ELAPOR1: variants seen among roughly 807,000 people sequenced by gnomAD.
The protein encoded by ELAPOR1 is endosome-lysosome associated apoptosis and autophagy regulator 1, also known as endosome/lysosome-associated apoptosis and autophagy regulator 1.
Under a neutral mutation model 119.7 loss-of-function variants are expected in ELAPOR1, and 77 were observed. That is an observed-to-expected ratio of 0.64 (90% CI 0.54 to 0.78). ELAPOR1 has a LOEUF of 0.78. Among genes scored for constraint, ELAPOR1 ranks in the 30% least tolerant of loss-of-function variants. The probability of loss-of-function intolerance (pLI) is 0.00; values close to 1 mark genes in which losing one functional copy is unlikely to be tolerated. For missense variants in ELAPOR1, 1,115 were observed against 1,270.4 expected (o/e 0.88, Z 1.86); for synonymous variants, 481 against 487.2 (o/e 0.99, Z 0.17).
chr1:109,144,059 A>ATTTTTTTTT (rs1243626258), intron 1 of ELAPOR1, among the ~76,000 whole-genome samples: 2 of 34,404 alleles, frequency 5.8e-5, no homozygotes, highest in Non-Finnish European at 1.4e-4. Context: ...ATATATTTAT[A>ATTTTTTTTT]TATTTTTTTT....
intron 9 of ELAPOR1, among the ~76,000 whole-genome samples, chr1:109,188,809 A>C (rs1345819769): frequency 6.6e-6 from 1 of 152,244 alleles, no homozygotes; most frequent in Non-Finnish European, 1.5e-5. Context: ...AGGTACATTT[A>C]AGTTTTGAAA....
chr1:109,116,436 C>T (rs1408177349), intron 1 of ELAPOR1, among the ~76,000 whole-genome samples: 2 of 152,172 alleles, frequency 1.3e-5, no homozygotes, highest in African/African-American at 4.8e-5. Flanking sequence ...AGATCCACAC[C>T]CCATGCCAGA....
At chr1:109,128,765 T>C (rs990150098) in intron 1 of ELAPOR1, among the ~76,000 whole-genome samples, 1 of 152,256 alleles carries the variant, frequency 6.6e-6, no homozygotes, top group African/African-American at 2.4e-5. Context: ...AGATTTTACA[T>C]GCTTCAGAAT....
At chr1:109,127,494 G>C (rs1648862904) in intron 1 of ELAPOR1, among the ~76,000 whole-genome samples, 1 of 151,912 alleles carries the variant, frequency 6.6e-6, no homozygotes, top group Admixed American at 6.6e-5. Flanking sequence ...GATTACAGGT[G>C]TGAGCCACCG....
chr1:109,115,849 G>T (rs536354930), intron 1 of ELAPOR1, among the ~76,000 whole-genome samples: 1 of 152,120 alleles, frequency 6.6e-6, no homozygotes, highest in Non-Finnish European at 1.5e-5. Flanking sequence ...CCACCTAGCC[G>T]CATTATGACC....
At chr1:109,114,512 A>T (rs570987407) in intron 1 of ELAPOR1, among the ~76,000 whole-genome samples, 176 bp downstream of exon 1, 4 of 152,262 alleles carry the variant, frequency 2.6e-5, no homozygotes, top group East Asian at 3.9e-4. Context: ...AGGCCAGCAC[A>T]TTGGAGGACT....
intron 1 of ELAPOR1, among the ~76,000 whole-genome samples, chr1:109,155,501 T>A (rs1459559851): frequency 6.6e-6 from 1 of 152,168 alleles, no homozygotes. Context: ...TCTTAGAATG[T>A]AGAAGAACAG....
intron 8 of ELAPOR1, chr1:109,187,483 G>C: frequency 1.0e-6 from 1 of 1,000,006 alleles, no homozygotes; most frequent in Non-Finnish European, 1.2e-6. Flanking sequence ...TATCTGCACA[G>C]ATCATGTTCA....
intron 1 of ELAPOR1, among the ~76,000 whole-genome samples, chr1:109,130,846 TA>T (rs1649112756): frequency 6.6e-6 from 1 of 152,158 alleles, no homozygotes; most frequent in Non-Finnish European, 1.5e-5. Flanking sequence ...AACAAACATT[TA>T]TTAATATTAG....
At chr1:109,154,808 C>T (rs1398747252) in intron 1 of ELAPOR1, among the ~76,000 whole-genome samples, 2 of 152,196 alleles carry the variant, frequency 1.3e-5, no homozygotes, top group Non-Finnish European at 2.9e-5. Context: ...GGGTAAATGT[C>T]TGGGGGAGCT....
intron 17 of ELAPOR1, 39 bp downstream of exon 17, chr1:109,198,114 G>T (rs748972389): frequency 4.7e-6 from 7 of 1,495,058 alleles, no homozygotes; most frequent in Non-Finnish European, 6.5e-6. Flanking sequence ...GTGAAACCTA[G>T]GACTCCTCCA....
intron 1 of ELAPOR1, among the ~76,000 whole-genome samples, chr1:109,133,655 T>C (rs1230995921): frequency 3.9e-5 from 6 of 152,222 alleles, no homozygotes; most frequent in Non-Finnish European, 8.8e-5. Context: ...ATCTATCTTA[T>C]TTTTTAGGCC....
intron 3 of ELAPOR1, among the ~76,000 whole-genome samples, chr1:109,165,326 C>A (rs760116548): frequency 8.5e-5 from 13 of 152,126 alleles, no homozygotes; most frequent in Admixed American, 7.2e-4. Context: ...GTGGCTCACG[C>A]CTGTAATCCC....
chr1:109,194,508 A>T lies in ELAPOR1; in HGVS notation c.2035A>T (p.Thr679Ser), dbSNP rs756008920. 6 of 1,613,818 alleles carry T rather than the reference A, an allele frequency of 3.7e-6. No homozygotes were observed. Among genetic ancestry groups the T allele is most frequent in the Non-Finnish European group, 5.1e-6 (6 of 1,179,728 alleles). The change falls in exon 15 of 22, where the codon ACT becomes TCT. Residue 679 changes from threonine (T) to serine (S), a missense_variant. Thr to Ser is a moderately conservative substitution (Grantham distance 58, BLOSUM62 1). Coordinates refer to ENST00000369939, the MANE Select transcript of ELAPOR1 (RefSeq NM_020775.5). ...CTACAACTTCTCCGCTTTGGCAAAC[A>T]CTGTCACTCTTGCTGGAGGGCCAAG... ...FNYNFSALAN[T>S]VTLAGGPSFT...
At chr1:109,123,959 C>G (rs188301531) in intron 1 of ELAPOR1, among the ~76,000 whole-genome samples, 1 of 152,116 alleles carries the variant, frequency 6.6e-6, no homozygotes, top group African/African-American at 2.4e-5. Context: ...TGGGCCACCA[C>G]GCCCAGCTAA....
chr1:109,177,032 G>A (rs1274340026), intron 7 of ELAPOR1, among the ~76,000 whole-genome samples: 3 of 139,730 alleles, frequency 2.1e-5, no homozygotes, highest in African/African-American at 8.8e-5. Context: ...GCAACCATCC[G>A]ATTTCTCAAT....
intron 1 of ELAPOR1, among the ~76,000 whole-genome samples, chr1:109,118,618 G>A (rs1487550456): frequency 2.0e-5 from 3 of 152,152 alleles, no homozygotes; most frequent in African/African-American, 7.2e-5. Flanking sequence ...ACATGCTGAC[G>A]GTGGAGGTTA....
chr1:109,189,565 G>T, intron 10 of ELAPOR1, 27 bp from the exon 11 acceptor site: 1 of 1,599,544 alleles, frequency 6.3e-7, no homozygotes. Context: ...AGAGCACAAG[G>T]CATTAACTCT....
intron 1 of ELAPOR1, among the ~76,000 whole-genome samples, chr1:109,122,574 T>G (rs1648507428): frequency 6.6e-6 from 1 of 151,922 alleles, no homozygotes; most frequent in Admixed American, 6.6e-5. Context: ...GGTGGGAGGT[T>G]CACTTGAACC....
Sources: gnomAD v4.1 joint callset for allele counts (sites outside exome capture counted in the v4.1 genomes callset) on GRCh38, gnomAD v4.1.1 for gene constraint, MANE v1.5 for transcripts, NCBI Gene and HGNC (gene_info 2026-07-23, HGNC 2026-07-21) for gene names.